The following HADH variants were observed in gnomAD, a reference collection of about 807,000 sequenced individuals.
HADH encodes the protein hydroxyacyl-CoA dehydrogenase, also known as hydroxyacyl-coenzyme A dehydrogenase, mitochondrial.
In HADH, 24 loss-of-function variants were observed where a neutral mutation model predicts 32.2. The observed-to-expected ratio is 0.75, with a 90% CI of 0.54 to 1.05. The LOEUF (loss-of-function observed/expected upper bound fraction) is 1.05. HADH is among the 50% of genes least tolerant of loss of function. The probability of loss-of-function intolerance (pLI) is 0.00; values close to 1 mark genes in which losing one functional copy is unlikely to be tolerated. For synonymous variants in HADH, 139 were observed against 152.5 expected (o/e 0.91, Z 0.65); for missense variants, 350 against 397.1 (o/e 0.88, Z 1.01).
chr4:108,033,735 C>T (rs1287390068), intron 7 of HADH, among the ~76,000 whole-genome samples: 3 of 152,194 alleles, frequency 2.0e-5, no homozygotes, highest in African/African-American at 4.8e-5. Flanking sequence ...GCTCTGAAGA[C>T]AGGGTAAAAA....
Position 108,009,744 on chromosome 4 carries a change from C to A in HADH, c.133-15C>A. ...TTCTTTCTTTTAAAAAGAAATTGTT[C>A]TTTTGTTGCTCTAGGTTGCTGCAGC... On this transcript the variant is annotated splice_polypyrimidine_tract_variant and intron_variant, in intron 1 of 7. Coordinates refer to ENST00000309522, the MANE Select transcript of HADH (RefSeq NM_005327.7). 1 of 1,612,780 alleles carries A rather than the reference C, an allele frequency of 6.2e-7. No homozygotes were observed. The highest frequency in any genetic ancestry group is 1.1e-5 in the South Asian group (1 of 91,042).
chr4:108,028,029 G>A lies in HADH; in HGVS notation c.709+269G>A, dbSNP rs80019902. Reference sequence around the variant, plus strand: ...TCCCAGCCAGAGCAATTGCATGGCCGGCCCAGATTGATATCCTGGATCTCT... The same window carrying A: ...TCCCAGCCAGAGCAATTGCATGGCCAGCCCAGATTGATATCCTGGATCTCT... On this transcript the variant is annotated intron_variant, in intron 6 of 7. Coordinates refer to ENST00000309522, the MANE Select transcript of HADH (RefSeq NM_005327.7). 1.6e-3 allele frequency: 877 copies of A among 538,716 alleles called. 3 individuals carry two copies. Among genetic ancestry groups the A allele is most frequent in the African/African-American group, 9.1e-3 (484 of 53,084 alleles). 33.4% of individuals were successfully genotyped at this position (538,716 alleles called of 1,614,324 possible). A position where few individuals can be genotyped will look rare whatever the true frequency, so the allele number is the denominator to read the frequency against.
chr4:108,007,887 C>T (rs1039673889), intron 1 of HADH, among the ~76,000 whole-genome samples: 2 of 152,182 alleles, frequency 1.3e-5, no homozygotes, highest in African/African-American at 4.8e-5. Context: ...TGAAGCTGCC[C>T]TTAGAAGTTG....
chr4:108,021,630 T>A (rs181855044), intron 4 of HADH, among the ~76,000 whole-genome samples: 1 of 152,284 alleles, frequency 6.6e-6, no homozygotes, highest in Non-Finnish European at 1.5e-5. Flanking sequence ...AACATCCATC[T>A]CTCCTGTTTA....
intron 2 of HADH, 90 bp downstream of exon 2, chr4:108,009,977 C>CTTTTTTTTT (rs11388783): frequency 5.2e-4 from 289 of 550,918 alleles, no homozygotes; most frequent in African/African-American, 9.2e-4. Context: ...TTCTTTCTTT[C>CTTTTTTTTT]TTTTTTTTTT....
intron 7 of HADH, 100 bp downstream of exon 7, chr4:108,033,392 G>A (rs368872183): frequency 5.2e-6 from 4 of 762,554 alleles, no homozygotes; most frequent in South Asian, 1.4e-5. Context: ...TCTTAATAAA[G>A]ACCTTCCAAA....
At chr4:108,024,711 A>C (rs1736001673) in intron 5 of HADH, 1 of 152,248 alleles carries the variant, frequency 6.6e-6, no homozygotes, top group African/African-American at 2.4e-5. Context: ...ATGCTTTGTT[A>C]GTGGAAGAAA....
intron 2 of HADH, 78 bp downstream of exon 2, chr4:108,009,965 C>A: frequency 4.3e-6 from 3 of 690,222 alleles, no homozygotes; most frequent in Non-Finnish European, 6.7e-6. Context: ...GGATTTCTGG[C>A]TTTCTTTCTT....
chr4:108,009,177 C>T (rs1287074989), intron 1 of HADH, among the ~76,000 whole-genome samples: 1 of 152,084 alleles, frequency 6.6e-6, no homozygotes, highest in Non-Finnish European at 1.5e-5. Context: ...TAAATTCTTA[C>T]CTATTACTGA....
chr4:108,014,434 G>A lies in HADH; in HGVS notation c.265G>A (p.Gly89Ser), dbSNP rs769599912. ...CTTCTTCCTCCCACTGCATTAGGCC[G>A]GCGATGAATTTGTGGAGAAGACCCT... ...KKKFAENLKA[G>S]DEFVEKTLST... Residue 89 changes from glycine (G) to serine (S), a missense_variant, in exon 3 of 8, where the codon GGC becomes AGC. Coordinates refer to ENST00000309522, the MANE Select transcript of HADH (RefSeq NM_005327.7). 1.2e-5 allele frequency: 19 copies of A among 1,613,948 alleles called. No homozygotes were observed. Among genetic ancestry groups the A allele is most frequent in the South Asian group, 7.7e-5 (7 of 91,072 alleles).
At chr4:108,006,224 C>T (rs1735287417) in intron 1 of HADH, among the ~76,000 whole-genome samples, 1 of 151,996 alleles carries the variant, frequency 6.6e-6, no homozygotes, top group African/African-American at 2.4e-5. Context: ...TTCAGCATAG[C>T]GTCTGGAACT....
rs1480041496 is a variant in HADH at position 108,033,257 on chromosome 4, A to C, written c.791A>C (p.Tyr264Ser). 10 of 1,598,216 alleles carry C rather than the reference A, an allele frequency of 6.3e-6. No individual in the cohort carries two copies. Among genetic ancestry groups the C allele is most frequent in the Non-Finnish European group, 8.6e-6 (10 of 1,165,556 alleles). Residue 264 changes from tyrosine (Y) to serine (S), a missense_variant, in exon 7 of 8, where the codon TAT becomes TCT. Coordinates refer to ENST00000309522, the MANE Select transcript of HADH (RefSeq NM_005327.7). ...ATGGGCCCATTTGAGCTTCTAGATT[A>C]TGTCGGACTGGATACTACGAAGTTC... ...YPMGPFELLD[Y>S]VGLDTTKFIV...
intron 2 of HADH, among the ~76,000 whole-genome samples, chr4:108,012,417 C>G (rs1345804493): frequency 1.3e-5 from 2 of 152,190 alleles, no homozygotes; most frequent in Non-Finnish European, 2.9e-5. Context: ...AAAGGGTACA[C>G]TCGCCAGCAT....
intron 4 of HADH, among the ~76,000 whole-genome samples, chr4:108,020,189 A>G (rs1735836702): frequency 6.6e-6 from 1 of 152,156 alleles, no homozygotes; most frequent in Non-Finnish European, 1.5e-5. Flanking sequence ...ACCAGCTCCC[A>G]TTGGGTGCGG....
intron 6 of HADH, chr4:108,029,983 C>T (rs1736205372): frequency 6.6e-6 from 1 of 152,350 alleles, no homozygotes; most frequent in Non-Finnish European, 1.5e-5. Flanking sequence ...GCACCCACTC[C>T]TAATGGCCAG....
At position 108,009,627 on chromosome 4, in the gene HADH, C is replaced by G. The variant is rs561755973; in HGVS notation, c.133-132C>G. ...AATGTTGACTTATCATATGTTCACT[C>G]GGTATTTTGAATGGAATGGTAGTAG... is the stretch of plus-strand genomic sequence containing the variant. On this transcript the variant is annotated intron_variant, in intron 1 of 7. Coordinates refer to ENST00000309522, the MANE Select transcript of HADH (RefSeq NM_005327.7). The G allele has an allele frequency of 8.0e-6, 6 of 750,842 alleles. No individual in the cohort carries two copies. The African/African-American group carries it at 1.0e-4, about 13-fold the overall frequency. 46.5% of individuals were successfully genotyped at this position (750,842 alleles called of 1,614,324 possible).
chr4:108,001,079 A>T (rs1735107732), intron 1 of HADH, among the ~76,000 whole-genome samples: 1 of 152,248 alleles, frequency 6.6e-6, no homozygotes, highest in Non-Finnish European at 1.5e-5. Flanking sequence ...AATAGAAAGT[A>T]CATTCATTTG....
At chr4:108,006,969 G>C (rs1385564211) in intron 1 of HADH, among the ~76,000 whole-genome samples, 1 of 152,192 alleles carries the variant, frequency 6.6e-6, no homozygotes, top group East Asian at 1.9e-4. Context: ...ATGGATTAGG[G>C]TTGTTGGATT....
intron 1 of HADH, among the ~76,000 whole-genome samples, chr4:108,000,036 C>T (rs554283708): frequency 2.0e-5 from 3 of 152,180 alleles, no homozygotes; most frequent in African/African-American, 7.2e-5. Flanking sequence ...ACTGGAAATT[C>T]TCATTGGCCT....
Sources: allele counts gnomAD v4.1 joint callset (sites outside exome capture counted in the v4.1 genomes callset), GRCh38; gene constraint gnomAD v4.1.1; transcripts MANE v1.5; gene names NCBI Gene and HGNC (gene_info 2026-07-23, HGNC 2026-07-21).